The following GJC1 variants were observed in gnomAD, a reference collection of about 807,000 sequenced individuals.
GJC1 encodes gap junction protein gamma 1, also known as gap junction gamma-1 protein.
A neutral mutation model predicts 29.3 loss-of-function variants in GJC1; 5 were observed. That is an observed-to-expected ratio of 0.17 (90% confidence interval 0.09 to 0.36). The LOEUF (loss-of-function observed/expected upper bound fraction) is 0.36. Among genes scored for constraint, GJC1 ranks in the 10% least tolerant of loss-of-function variants. The probability of loss-of-function intolerance (pLI) is 1.00; values close to 1 mark genes in which losing one functional copy is unlikely to be tolerated. For synonymous variants in GJC1, 177 were observed against 183.3 expected (o/e 0.97, Z 0.28); for missense variants, 310 against 496.2 (o/e 0.62, Z 3.56).
chr17:44,810,171 T>C (rs569852952), intron 1 of GJC1, among the ~76,000 whole-genome samples: 1 of 151,980 alleles, frequency 6.6e-6, no homozygotes, highest in Admixed American at 6.6e-5. Context: ...TAATTTTGTA[T>C]TTTTAGTAGA....
At chr17:44,813,950 A>G (rs1218998609) in intron 1 of GJC1, among the ~76,000 whole-genome samples, 1 of 152,182 alleles carries the variant, frequency 6.6e-6, no homozygotes, top group African/African-American at 2.4e-5. Flanking sequence ...TTAACAAAGC[A>G]TTAAGGATTG....
At position 44,804,710 on chromosome 17, in the gene GJC1, C is replaced by T. The variant is rs2049891506; in HGVS notation, c.1108G>A (p.Ala370Thr). 1.2e-6 allele frequency: 2 copies of T among 1,614,162 alleles called. No homozygotes were observed. The highest frequency in any genetic ancestry group is 1.6e-4 in the Middle Eastern group (1 of 6,062). Residue 370 changes from alanine (A) to threonine (T), a missense_variant, in exon 3 of 3, where the codon GCC becomes ACC. By Grantham distance (58) the Ala-to-Thr change is moderately conservative. Coordinates refer to ENST00000592524, the MANE Select transcript of GJC1 (RefSeq NM_005497.4). ...NNPHGPREKK[A>T]KVGSKAGSNK... The stretch of plus-strand genomic sequence containing the variant: ...GACCCAGCTTTGGACCCCACTTTGG[C>T]CTTCTTCTCCCGGGGACCATGAGGG...
At position 44,805,795 on chromosome 17, in the gene GJC1, C is replaced by A; in HGVS notation, c.23G>T (p.Arg8Leu). Reference protein sequence around the residue: MSWSFLTRLLEEIHNHST... With the variant: MSWSFLTLLLEEIHNHST... The stretch of plus-strand genomic sequence containing the variant: ...ATGGTTGTGAATCTCCTCTAGCAGG[C>A]GAGTCAGGAAGCTCCAACTCATGGT... The change falls in exon 3 of 3, where the codon CGC (arginine) becomes CTC (leucine). Residue 8 changes from arginine (R) to leucine (L), a missense_variant. Arg to Leu is a moderately radical substitution (Grantham distance 102). Transcript: ENST00000592524. This position sits in a 1 kb window ranked among gnomAD's most constrained non-coding sequence, Gnocchi z 5.1. 1 of 1,610,046 alleles carries A rather than the reference C, an allele frequency of 6.2e-7. No individual in the cohort carries two copies. Among genetic ancestry groups the A allele is most frequent in the Non-Finnish European group, 8.5e-7 (1 of 1,177,160 alleles).
chr17:44,807,764 G>C (rs2049928194), intron 1 of GJC1: 1 of 152,160 alleles, frequency 6.6e-6, no homozygotes, highest in Non-Finnish European at 1.5e-5. Flanking sequence ...GGCACCTATA[G>C]GAAAAAGCCA....
chr17:44,812,500 G>C (rs1013797827), intron 1 of GJC1, among the ~76,000 whole-genome samples: 1 of 152,006 alleles, frequency 6.6e-6, no homozygotes, highest in Admixed American at 6.6e-5. Context: ...AGGCATAAAT[G>C]GGTTAAAACA....
intron 1 of GJC1, among the ~76,000 whole-genome samples, chr17:44,825,175 T>TCTG (rs1179684128): frequency 8.9e-6 from 1 of 111,984 alleles, no homozygotes; most frequent in Non-Finnish European, 1.7e-5. Context: ...AGAACAAGAC[T>TCTG]CTGTCTCAAT....
At chr17:44,824,277 A>G (rs1229263960) in intron 1 of GJC1, among the ~76,000 whole-genome samples, 1 of 152,054 alleles carries the variant, frequency 6.6e-6, no homozygotes, top group Non-Finnish European at 1.5e-5. Flanking sequence ...AAGTGCTGGG[A>G]TTACAGGTGT....
At chr17:44,806,984 G>A (rs2049920157) in intron 2 of GJC1, among the ~76,000 whole-genome samples, 1 of 152,130 alleles carries the variant, frequency 6.6e-6, no homozygotes, top group African/African-American at 2.4e-5. Flanking sequence ...TCCCTAGCTA[G>A]GCTGCATCGC....
intron 1 of GJC1, among the ~76,000 whole-genome samples, chr17:44,814,640 G>A (rs1412248417): frequency 6.6e-6 from 1 of 152,048 alleles, no homozygotes; most frequent in Non-Finnish European, 1.5e-5. Context: ...ACCTGAAAAG[G>A]TGCCTAAAAT....
Position 44,805,263 on chromosome 17 carries a change from G to C in GJC1, c.555C>G (p.Thr185=), listed in dbSNP as rs566742567. The change falls in exon 3 of 3, where the codon ACC becomes ACG. Residue 185 remains threonine, a synonymous_variant. Coordinates refer to ENST00000592524, the MANE Select transcript of GJC1 (RefSeq NM_005497.4). The surrounding 1 kb of genome is among the most constrained non-coding windows in gnomAD (Gnocchi z 5.1). Reference sequence around the variant, plus strand: ...CTATCAGAAAACCCACCTCAAACACGGTCCTTGCCAGCAACTGCAGCACAT... The same window carrying C: ...CTATCAGAAAACCCACCTCAAACACCGTCCTTGCCAGCAACTGCAGCACAT... ...KIYVLQLLAR[T]VFEVGFLIGQ... is the part of the protein sequence containing the mutation. 6.2e-6 allele frequency: 10 copies of C among 1,613,976 alleles called. No individual in the cohort carries two copies. In the East Asian group the frequency reaches 1.3e-4, roughly 22 times the overall value.
At chr17:44,814,943 G>C (rs1040799350) in intron 1 of GJC1, among the ~76,000 whole-genome samples, 84 of 150,014 alleles carry the variant, frequency 5.6e-4, no homozygotes, top group African/African-American at 2.0e-3. Context: ...CTCAGTCTTA[G>C]GAAAAAAAAA....
At position 44,820,062 on chromosome 17, in the gene GJC1, T is replaced by C. The variant is rs767020657; in HGVS notation, c.-97+10000A>G. ...TTTGTTTTAATATCCAGAAGTGGAA[T>C]TGCTCTATCATATGGTAATTTTTAA... On this transcript the variant is annotated intron_variant, in intron 1 of 2. Transcript: ENST00000592524. Among the ~76,000 whole-genome samples, 4 of 152,136 alleles carry C rather than the reference T, an allele frequency of 2.6e-5. No individual in the cohort carries two copies. In the South Asian group the frequency reaches 6.2e-4, roughly 24 times the overall value.
At chr17:44,811,036 T>C (rs2049974252) in intron 1 of GJC1, among the ~76,000 whole-genome samples, 1 of 152,112 alleles carries the variant, frequency 6.6e-6, no homozygotes, top group Non-Finnish European at 1.5e-5. Context: ...CCCAAAGTGT[T>C]GGGATTACAG....
chr17:44,800,819 G>GT lies in GJC1; in HGVS notation c.*3807dup, dbSNP rs2049834963. ...ACCAGAGGCCTTTTCTAATCACTTC[G>GT]TAACACTTCTGAGATGTACATGGCT... On this transcript the variant is annotated 3_prime_UTR_variant, in exon 3 of 3. Transcript: ENST00000592524. 1 of 150,672 alleles carries GT rather than the reference G, an allele frequency of 6.6e-6. No individual in the cohort carries two copies. Among genetic ancestry groups the GT allele is most frequent in the African/African-American group, 2.4e-5 (1 of 40,870 alleles). The allele number at this position is 150,672 out of a possible 1,614,324, so 9.3% of individuals were successfully genotyped here.
chr17:44,810,797 A>G (rs1036986043), intron 1 of GJC1, among the ~76,000 whole-genome samples: 3 of 151,790 alleles, frequency 2.0e-5, no homozygotes, highest in Admixed American at 6.6e-5. Flanking sequence ...TTTTTTAAAC[A>G]GGGTCTCGCT....
rs1250297309 is a variant in GJC1, at chr17:44,799,919, A to C, written c.*4708T>G. 1.3e-5 allele frequency: 2 copies of C among 152,262 alleles called. No individual in the cohort carries two copies. The highest frequency in any genetic ancestry group is 2.4e-5 in the African/African-American group (1 of 41,454). The allele number at this position is 152,262 out of a possible 1,614,324, so 9.4% of individuals were successfully genotyped here. A position where few individuals can be genotyped will look rare whatever the true frequency, so the allele number is the denominator to read the frequency against. On this transcript the variant is annotated 3_prime_UTR_variant, in exon 3 of 3. Transcript: ENST00000592524. ...GGGCTCAAAACAAACCCCAAAAAAC[A>C]AAACCAAACATCAATAGAACTACAT...
At chr17:44,796,822 CAT>C (rs1021101726), downstream of GJC1, among the ~76,000 whole-genome samples, 4 of 131,876 alleles carry the variant, frequency 3.0e-5, no homozygotes, top group Non-Finnish European at 5.0e-5. Context: ...CACACACACA[CAT>C]ACACACACAC....
chr17:44,830,236 TGCCGCCGCC>T lies in GJC1; in HGVS notation c.-280_-272del, dbSNP rs997845649. The T allele has an allele frequency of 3.3e-4, 53 of 160,600 alleles. No homozygotes were observed. The highest frequency in any genetic ancestry group is 1.1e-3 in the African/African-American group (47 of 41,222). 9.9% of individuals were successfully genotyped at this position (160,600 alleles called of 1,614,324 possible). ...CCGAGGCAGAAGCCGCTCCCGCCGC[TGCCGCCGCC>T]GCCGCCGCCTCCCGCTCCCGCCGCC... On this transcript the variant is annotated 5_prime_UTR_variant, in exon 1 of 3. Coordinates refer to ENST00000592524, the MANE Select transcript of GJC1 (RefSeq NM_005497.4). The surrounding 1 kb of genome is among the most constrained non-coding windows in gnomAD (Gnocchi z 4.3).
chr17:44,805,190 T>G lies in GJC1; in HGVS notation c.628A>C (p.Ser210Arg). The change falls in exon 3 of 3, where the codon AGC becomes CGC. Residue 210 changes from serine (S) to arginine (R), a missense_variant. Coordinates refer to ENST00000592524, the MANE Select transcript of GJC1 (RefSeq NM_005497.4). This position sits in a 1 kb window ranked among gnomAD's most constrained non-coding sequence, Gnocchi z 5.1. ...GFQVHPFYVC[S>R]RLPCPHKIDC... ...ATCTTATGAGGACAAGGAAGTCTGC[T>G]GCACACATAAAACGGGTGGACTTGG... 6.2e-7 allele frequency: 1 copy of G among 1,614,198 alleles called. No individual in the cohort carries two copies. Among genetic ancestry groups the G allele is most frequent in the South Asian group, 1.1e-5 (1 of 91,084 alleles).
Sources: gnomAD v4.1 joint callset for allele counts (sites outside exome capture counted in the v4.1 genomes callset) on GRCh38, gnomAD v4.1.1 for gene constraint, Gnocchi (gnomAD v3.1) non-coding constraint, MANE v1.5 for transcripts, NCBI Gene and HGNC (gene_info 2026-07-23, HGNC 2026-07-21) for gene names.